PTPRK: variants seen among roughly 807,000 people sequenced by gnomAD.
PTPRK encodes the protein receptor-type tyrosine-protein phosphatase kappa.
PTPRK carries 75 observed loss-of-function variants against 178.0 expected under a neutral mutation model. The ratio of observed to expected loss-of-function variants is 0.42; its 90% CI spans 0.35 to 0.51. The LOEUF (loss-of-function observed/expected upper bound fraction) is 0.51. Ranked by LOEUF, PTPRK falls within the 20% of genes least tolerant of loss-of-function variation. The pLI is 0.02. For missense variants in PTPRK, 1,441 were observed against 1,797.8 expected, an observed-to-expected ratio of 0.80 and a Z score of 3.59; for synonymous variants, 637 against 620.6, an observed-to-expected ratio of 1.03 and a Z score of -0.39.
intron 7 of PTPRK, among the ~76,000 whole-genome samples, chr6:128,170,178 C>T (rs1451488715): frequency 6.6e-6 from 1 of 151,850 alleles, no homozygotes; most frequent in Non-Finnish European, 1.5e-5. Context: ...CAAAACAGAC[C>T]AAGGCAGATC....
At chr6:128,325,007 T>C (rs556851062) in intron 2 of PTPRK, among the ~76,000 whole-genome samples, 134 of 152,316 alleles carry the variant, frequency 8.8e-4, no homozygotes, top group African/African-American at 3.1e-3. Context: ...GATTGTTCTG[T>C]TACCAGCTAA....
chr6:128,509,200 C>A (rs944137821), intron 1 of PTPRK, among the ~76,000 whole-genome samples: 4 of 152,068 alleles, frequency 2.6e-5, no homozygotes, highest in Non-Finnish European at 5.9e-5. Flanking sequence ...GGGTTCCATA[C>A]GAGTTTCAGA....
chr6:127,987,336 A>G (rs1436919895), intron 21 of PTPRK, among the ~76,000 whole-genome samples: 8 of 152,058 alleles, frequency 5.3e-5, no homozygotes, highest in Non-Finnish European at 1.2e-4. Context: ...TGATATTAAT[A>G]TCAAGTACTC....
At chr6:128,244,443 C>T (rs1234879220) in intron 3 of PTPRK, among the ~76,000 whole-genome samples, 5 of 152,182 alleles carry the variant, frequency 3.3e-5, no homozygotes, top group African/African-American at 9.6e-5. Flanking sequence ...AGGCCACCAG[C>T]GGATATAAAG....
chr6:128,262,331 A>T lies in PTPRK; in HGVS notation c.496-19729T>A, dbSNP rs940117839. On this transcript the variant is annotated intron_variant, in intron 3 of 29. Transcript: ENST00000368226. ...ATATATTATGCACTATACTCTCTTAAAAAAGGATTTTTTATCTCAAGAGAA... is the reference window on the plus strand; with the variant it reads ...ATATATTATGCACTATACTCTCTTATAAAAGGATTTTTTATCTCAAGAGAA... Among the ~76,000 whole-genome samples the T allele has an allele frequency of 7.2e-5, 11 of 152,300 alleles. No individual in the cohort carries two copies. The South Asian group carries it at 2.3e-3, about 32-fold the overall frequency.
intron 1 of PTPRK, among the ~76,000 whole-genome samples, chr6:128,517,108 ACACT>A (rs1858181338): frequency 6.6e-6 from 1 of 151,862 alleles, no homozygotes; most frequent in Admixed American, 6.6e-5. Flanking sequence ...GCGCACACAC[ACACT>A]CACACACAAA....
chr6:128,520,183 C>T (rs1009379680), intron 1 of PTPRK, 76 bp downstream of exon 1: 10 of 1,292,326 alleles, frequency 7.7e-6, no homozygotes, highest in Admixed American at 2.2e-5. Context: ...TGTCCCCAGC[C>T]CTAGCGGGGA....
At chr6:128,380,464 T>G (rs948363821) in intron 2 of PTPRK, among the ~76,000 whole-genome samples, 1 of 151,866 alleles carries the variant, frequency 6.6e-6, no homozygotes, top group African/African-American at 2.4e-5. Flanking sequence ...ATTCTGCTAC[T>G]ATTCTGCGTG....
At chr6:128,240,271 A>G (rs1814166089) in intron 4 of PTPRK, 121 bp from the exon 5 acceptor site, 1 of 730,920 alleles carries the variant, frequency 1.4e-6, no homozygotes, top group South Asian at 1.9e-5. Context: ...TAACATCAGA[A>G]AGAAGAAAAC....
At chr6:128,046,975 A>G (rs778057601) in intron 13 of PTPRK, among the ~76,000 whole-genome samples, 11 of 152,194 alleles carry the variant, frequency 7.2e-5, no homozygotes, top group Non-Finnish European at 1.3e-4. Flanking sequence ...CTGCACAGAG[A>G]AAAGGGCACC....
intron 13 of PTPRK, among the ~76,000 whole-genome samples, chr6:128,061,584 C>A (rs947154978): frequency 2.0e-5 from 3 of 152,118 alleles, no homozygotes; most frequent in Admixed American, 6.5e-5. Flanking sequence ...GACTGTAGGG[C>A]AGCTGAAACA....
chr6:127,982,418 A>G (rs1230403419), intron 24 of PTPRK, among the ~76,000 whole-genome samples: 8 of 152,116 alleles, frequency 5.3e-5, no homozygotes, highest in South Asian at 2.1e-4. Context: ...GACTACAGGC[A>G]CCCGCCACCA....
At chr6:128,216,419 C>T (rs1809303604) in intron 6 of PTPRK, among the ~76,000 whole-genome samples, 1 of 151,792 alleles carries the variant, frequency 6.6e-6, no homozygotes, top group Non-Finnish European at 1.5e-5. Flanking sequence ...TCTGTAGTCT[C>T]AGCTACTTGG....
Position 128,089,966 on chromosome 6 carries a change from T to C in PTPRK, c.1189A>G (p.Lys397Glu). 6.2e-7 allele frequency: 1 copy of C among 1,609,182 alleles called. No homozygotes were observed. Among genetic ancestry groups the C allele is most frequent in the Non-Finnish European group, 8.5e-7 (1 of 1,175,544 alleles). Reference sequence around the variant, plus strand: ...CGTCTTGCCTGTATTTCAGCAATCTTTAATGTCTTTGGGGTTCTCATAGGT... The same window carrying C: ...CGTCTTGCCTGTATTTCAGCAATCTCTAATGTCTTTGGGGTTCTCATAGGT... ...AEPMRTPKTL[K>E]IAEIQARRIA... Residue 397 changes from lysine (K) to glutamate (E), a missense_variant, in exon 8 of 30, where the codon AAG becomes GAG. Transcript: ENST00000368226.
chr6:128,206,466 G>A (rs1393125936), intron 6 of PTPRK, among the ~76,000 whole-genome samples: 1 of 147,474 alleles, frequency 6.8e-6, no homozygotes, highest in Admixed American at 6.9e-5. Flanking sequence ...TTCAGTCAAG[G>A]CACTGGTAAC....
chr6:128,278,646 G>C (rs551979993), intron 3 of PTPRK, among the ~76,000 whole-genome samples: 1 of 152,232 alleles, frequency 6.6e-6, no homozygotes. Flanking sequence ...CCTGCACAAG[G>C]CCACTGGGCT....
intron 6 of PTPRK, among the ~76,000 whole-genome samples, chr6:128,207,746 G>A (rs146760970): frequency 6.6e-6 from 1 of 151,840 alleles, no homozygotes; most frequent in South Asian, 2.1e-4. Context: ...AACAAAAGAG[G>A]GATTTAAAGT....
chr6:128,514,932 A>T (rs1857730697), intron 1 of PTPRK, among the ~76,000 whole-genome samples: 1 of 152,254 alleles, frequency 6.6e-6, no homozygotes, highest in Admixed American at 6.5e-5. Context: ...TACAAAAGGA[A>T]AATAAACATA....
chr6:127,994,269 T>C (rs943190271), intron 18 of PTPRK, among the ~76,000 whole-genome samples: 31 of 151,752 alleles, frequency 2.0e-4, no homozygotes, highest in Admixed American at 7.2e-4. Flanking sequence ...CTAGGTTTCA[T>C]ACCTTTTAGG....
Sources: allele counts gnomAD v4.1 joint callset (sites outside exome capture counted in the v4.1 genomes callset), GRCh38; gene constraint gnomAD v4.1.1; transcripts MANE v1.5; gene names NCBI Gene and HGNC (gene_info 2026-07-23, HGNC 2026-07-21).